The following HS6ST3 variants were observed in gnomAD, a reference collection of about 807,000 sequenced individuals.
HS6ST3 encodes the protein heparan-sulfate 6-O-sulfotransferase 3.
In HS6ST3, 12 loss-of-function variants were observed where a neutral mutation model predicts 36.7. The observed-to-expected ratio is 0.33, with a 90% CI of 0.21 to 0.53. The LOEUF is 0.53. Ranked by LOEUF, HS6ST3 falls within the 20% of genes least tolerant of loss-of-function variation. The pLI is 0.95. For synonymous variants in HS6ST3, 240 were observed against 257.5 expected (o/e 0.93, Z 0.65); for missense variants, 584 against 640.9 (o/e 0.91, Z 0.96).
chr13:96,162,009 G>A (rs2054137864), intron 1 of HS6ST3, among the ~76,000 whole-genome samples: 1 of 151,634 alleles, frequency 6.6e-6, no homozygotes, highest in South Asian at 2.1e-4. Flanking sequence ...AAATAAGAAT[G>A]GACATTTATG....
chr13:96,229,155 A>G (rs1189903893), intron 1 of HS6ST3, among the ~76,000 whole-genome samples: 2 of 152,194 alleles, frequency 1.3e-5, no homozygotes, highest in Non-Finnish European at 2.9e-5. Context: ...TTTGAATGCC[A>G]TGGTTTATGC....
At chr13:96,593,833 A>G (rs1190589703) in intron 1 of HS6ST3, among the ~76,000 whole-genome samples, 1 of 152,014 alleles carries the variant, frequency 6.6e-6, no homozygotes, top group African/African-American at 2.4e-5. Flanking sequence ...TGATATAAGC[A>G]TAGCTATTCC....
chr13:96,591,034 G>T (rs1315608637), intron 1 of HS6ST3, among the ~76,000 whole-genome samples: 1 of 149,436 alleles, frequency 6.7e-6, no homozygotes, highest in African/African-American at 2.5e-5. Flanking sequence ...TCTCTGTTTT[G>T]TCCCTTTGGT....
chr13:96,417,641 G>A (rs980676839), intron 1 of HS6ST3, among the ~76,000 whole-genome samples: 5 of 122,418 alleles, frequency 4.1e-5, no homozygotes, highest in Non-Finnish European at 8.5e-5. Context: ...TATACACACA[G>A]ATATATACAT....
chr13:96,706,025 A>T (rs1875413851), intron 1 of HS6ST3, among the ~76,000 whole-genome samples: 1 of 152,166 alleles, frequency 6.6e-6, no homozygotes, highest in South Asian at 2.1e-4. Flanking sequence ...TTATCTGAGA[A>T]TCCTTCCTTT....
chr13:96,788,115 T>C (rs1272343316), intron 1 of HS6ST3, among the ~76,000 whole-genome samples: 1 of 151,930 alleles, frequency 6.6e-6, no homozygotes, highest in Non-Finnish European at 1.5e-5. Context: ...TCTATCCCTT[T>C]GCCAGAACCA....
At chr13:96,819,967 T>C (rs1485719411) in intron 1 of HS6ST3, among the ~76,000 whole-genome samples, 1 of 152,090 alleles carries the variant, frequency 6.6e-6, no homozygotes, top group African/African-American at 2.4e-5. Context: ...TCCCAGGTAC[T>C]TGGGAGGCTG....
At chr13:96,656,429 A>G (rs925187624) in intron 1 of HS6ST3, among the ~76,000 whole-genome samples, 20 of 152,170 alleles carry the variant, frequency 1.3e-4, no homozygotes, top group African/African-American at 4.8e-4. Context: ...TCTAGAAGTT[A>G]TTAGATAGTA....
At chr13:96,827,491 T>C (rs947284300) in intron 1 of HS6ST3, among the ~76,000 whole-genome samples, 5 of 152,210 alleles carry the variant, frequency 3.3e-5, no homozygotes, top group African/African-American at 9.6e-5. Context: ...ACAAACAAAA[T>C]GTACATGAGA....
At chr13:96,599,486 T>C (rs2056413751) in intron 1 of HS6ST3, among the ~76,000 whole-genome samples, 1 of 152,040 alleles carries the variant, frequency 6.6e-6, no homozygotes, top group Non-Finnish European at 1.5e-5. Context: ...TGTAATGTCT[T>C]CATTTTAATT....
At chr13:96,668,893 G>A (rs2056674149) in intron 1 of HS6ST3, among the ~76,000 whole-genome samples, 1 of 151,438 alleles carries the variant, frequency 6.6e-6, no homozygotes, top group Admixed American at 6.6e-5. Flanking sequence ...TATAAAATAT[G>A]GATACCATGT....
At position 96,689,685 on chromosome 13, in the gene HS6ST3, T is replaced by C. The variant is rs1370848426; in HGVS notation, c.708-142805T>C. 3.7e-5 allele frequency among the ~76,000 whole-genome samples: 5 copies of C among 135,412 alleles called. No homozygotes were observed. The South Asian group carries it at 1.2e-3, about 32-fold the overall frequency. The allele number at this position is 135,412 out of a possible 152,430, so 88.8% of individuals were successfully genotyped here. On this transcript the variant is annotated intron_variant, in intron 1 of 1. Coordinates refer to ENST00000376705, the MANE Select transcript of HS6ST3 (RefSeq NM_153456.4). ...ACCTGCTTTATAAACACCAAGAAAA[T>C]GCAGCACAAGTTGTGGTCCATGTTT...
intron 1 of HS6ST3, among the ~76,000 whole-genome samples, chr13:96,476,781 T>G (rs2055866389): frequency 1.3e-5 from 2 of 152,272 alleles, no homozygotes; most frequent in South Asian, 4.1e-4. Context: ...ATGTTTATGC[T>G]GTTAATGATG....
chr13:96,831,980 A>AAAAAAC (rs1339637754), intron 1 of HS6ST3, among the ~76,000 whole-genome samples: 4 of 142,002 alleles, frequency 2.8e-5, no homozygotes, highest in African/African-American at 1.0e-4. Context: ...AAAAAAAAAA[A>AAAAAAC]CAGAGATTAA....
At chr13:96,779,386 G>C (rs1877471403) in intron 1 of HS6ST3, among the ~76,000 whole-genome samples, 1 of 151,848 alleles carries the variant, frequency 6.6e-6, no homozygotes, top group African/African-American at 2.4e-5. Flanking sequence ...TTTTTCCATA[G>C]GAATTTGTCC....
chr13:96,500,330 G>A (rs1191426467), intron 1 of HS6ST3, among the ~76,000 whole-genome samples: 2 of 152,118 alleles, frequency 1.3e-5, no homozygotes, highest in Non-Finnish European at 2.9e-5. Flanking sequence ...TTCATTCATC[G>A]GTGGTTGAAC....
rs548685207 is a variant in HS6ST3 at position 96,326,215 on chromosome 13, T to C, written c.707+234646T>C. ...ATTATACTTTAAGTTTTAGGGTACA[T>C]GTGCACAATGTGCAGGTTAGTTACA... On this transcript the variant is annotated intron_variant, in intron 1 of 1. Transcript: ENST00000376705. Among the ~76,000 whole-genome samples, 4 of 151,898 alleles carry C rather than the reference T, an allele frequency of 2.6e-5. No individual in the cohort carries two copies. In the South Asian group the frequency reaches 8.3e-4, roughly 32 times the overall value.
At chr13:96,231,170 C>T (rs1384267514) in intron 1 of HS6ST3, among the ~76,000 whole-genome samples, 1 of 152,030 alleles carries the variant, frequency 6.6e-6, no homozygotes, top group Non-Finnish European at 1.5e-5. Flanking sequence ...CAAGTGGGAC[C>T]AGTACAGAGC....
chr13:96,432,088 AAT>A (rs2139475129), intron 1 of HS6ST3, among the ~76,000 whole-genome samples: 1 of 152,268 alleles, frequency 6.6e-6, no homozygotes, highest in East Asian at 1.9e-4. Context: ...AAAGTATGGA[AAT>A]GGAAACTTCC....
Sources: allele counts gnomAD v4.1 joint callset (sites outside exome capture counted in the v4.1 genomes callset), GRCh38; gene constraint gnomAD v4.1.1; transcripts MANE v1.5; gene names NCBI Gene and HGNC (gene_info 2026-07-23, HGNC 2026-07-21).